GNAS: variants seen among roughly 807,000 people sequenced by gnomAD.
GNAS encodes the protein protein ALEX.
A neutral mutation model predicts 54.5 loss-of-function variants in GNAS; 8 were observed. The observed-to-expected ratio is 0.15, with a 90% CI of 0.09 to 0.26. GNAS has a LOEUF of 0.26. Among genes scored for constraint, GNAS ranks in the 10% least tolerant of loss-of-function variants. The pLI, the probability that GNAS is intolerant of heterozygous loss-of-function variation, is 1.00. For missense variants in GNAS, 170 were observed against 529.8 expected, an observed-to-expected ratio of 0.32 and a Z score of 6.67; for synonymous variants, 204 against 191.4, an observed-to-expected ratio of 1.07 and a Z score of -0.54.
intron 1 of GNAS, among the ~76,000 whole-genome samples, chr20:58,845,613 T>C (rs1295836562): frequency 1.3e-5 from 2 of 150,882 alleles, no homozygotes; most frequent in Non-Finnish European, 3.0e-5. Flanking sequence ...CTTTCTTACA[T>C]ATCAAAAGGC....
intron 1 of GNAS, among the ~76,000 whole-genome samples, chr20:58,845,515 T>C (rs2085911180): frequency 6.6e-6 from 1 of 152,170 alleles, no homozygotes; most frequent in Non-Finnish European, 1.5e-5. Context: ...CATACATGCA[T>C]GGGATAAACA....
At chr20:58,897,394 T>A (rs2090165279) in intron 2 of GNAS, 1 of 152,200 alleles carries the variant, frequency 6.6e-6, no homozygotes, top group African/African-American at 2.4e-5. Context: ...TTCATGAGAG[T>A]AGTTAAGCAA....
chr20:58,885,358 A>G (rs1282344599), intron 1 of GNAS, among the ~76,000 whole-genome samples: 1 of 152,238 alleles, frequency 6.6e-6, no homozygotes, highest in Non-Finnish European at 1.5e-5. Flanking sequence ...TCTCAAAGCC[A>G]CTGGCTCAAG....
chr20:58,900,925 A>G (rs2090549385), intron 3 of GNAS, among the ~76,000 whole-genome samples: 1 of 152,228 alleles, frequency 6.6e-6, no homozygotes, highest in South Asian at 2.1e-4. Flanking sequence ...TCACATACGT[A>G]GATGAATACT....
intron 6 of GNAS, among the ~76,000 whole-genome samples, chr20:58,907,684 C>T (rs2091171104): frequency 6.6e-6 from 1 of 152,134 alleles, no homozygotes; most frequent in Non-Finnish European, 1.5e-5. Context: ...TGTCTGAAAA[C>T]GCACCATTTG....
At chr20:58,887,238 G>T (rs2145834856), upstream of GNAS, among the ~76,000 whole-genome samples, 1 of 152,332 alleles carries the variant, frequency 6.6e-6, no homozygotes, top group Middle Eastern at 3.4e-3. Context: ...TAAAGACAAT[G>T]TATCTGTGCT....
intron 1 of GNAS, chr20:58,842,233 A>G (rs777375142): frequency 2.3e-5 from 9 of 398,378 alleles, no homozygotes; most frequent in Admixed American, 1.3e-4. Flanking sequence ...GGAAAGACTG[A>G]TAAGTGAAAT....
rs2085736741 is a variant in GNAS at position 58,841,701 on chromosome 20, G to A, written c.43+815G>A. 2 of 1,209,438 alleles carry A rather than the reference G, an allele frequency of 1.7e-6. No individual in the cohort carries two copies. The highest frequency in any genetic ancestry group is 4.3e-5 in the South Asian group (1 of 23,274). The allele number at this position is 1,209,438 out of a possible 1,614,324, so 74.9% of individuals were successfully genotyped here. A position where few individuals can be genotyped will look rare whatever the true frequency, so the allele number is the denominator to read the frequency against. ...AGGTAGAGGAGGTAAGGGGACCCTT[G>A]GGGATGCCCCTACGGGCTACCAGGG... is the stretch of plus-strand genomic sequence containing the variant. On this transcript the variant is annotated intron_variant, in intron 1 of 12. Coordinates refer to the GNAS transcript ENST00000306090. The surrounding 1 kb of genome is among the most constrained non-coding windows in gnomAD (Gnocchi z 5.0).
intron 3 of GNAS, 61 bp from the exon 4 acceptor site, chr20:58,903,470 A>G: frequency 7.6e-7 from 1 of 1,323,000 alleles, no homozygotes. Flanking sequence ...TCTTTATGAA[A>G]GCAGTACTCC....
intron 1 of GNAS, chr20:58,854,347 T>A: frequency 6.3e-7 from 1 of 1,584,914 alleles, no homozygotes; most frequent in Non-Finnish European, 8.6e-7. Context: ...GCAGCAGAGA[T>A]GGAAGGAGCC....
At chr20:58,876,375 G>A (rs2087819024) in intron 1 of GNAS, among the ~76,000 whole-genome samples, 1 of 152,092 alleles carries the variant, frequency 6.6e-6, no homozygotes, top group African/African-American at 2.4e-5. Context: ...AGAGTTCAAA[G>A]TCACTCAGAG....
At chr20:58,855,093 A>C in intron 1 of GNAS, 1 of 1,613,592 alleles carries the variant, frequency 6.2e-7, no homozygotes, top group Non-Finnish European at 8.5e-7. Flanking sequence ...CTTACTCCGC[A>C]ACTTTCTCGT....
At chr20:58,902,739 T>TTTTTTTC (rs2090740488) in intron 3 of GNAS, among the ~76,000 whole-genome samples, 1 of 131,490 alleles carries the variant, frequency 7.6e-6, no homozygotes, top group Non-Finnish European at 1.6e-5. Context: ...TTTTTTTTTT[T>TTTTTTTC]TTTTTTTTTT....
At chr20:58,861,955 T>C (rs2086805595) in intron 1 of GNAS, among the ~76,000 whole-genome samples, 2 of 152,048 alleles carry the variant, frequency 1.3e-5, no homozygotes, top group African/African-American at 2.4e-5. Context: ...TCTGCCCGCC[T>C]CAGCCACCCA....
chr20:58,841,889 A>G lies in GNAS; in HGVS notation c.43+1003A>G. The G allele has an allele frequency of 2.4e-6, 3 of 1,231,450 alleles. No individual in the cohort carries two copies. The East Asian group carries it at 9.5e-5, about 39-fold the overall frequency. The allele number at this position is 1,231,450 out of a possible 1,614,324, so 76.3% of individuals were successfully genotyped here. On this transcript the variant is annotated intron_variant, in intron 1 of 12. Coordinates refer to the GNAS transcript ENST00000306090. This position sits in a 1 kb window ranked among gnomAD's most constrained non-coding sequence, Gnocchi z 5.0. ...GCAAGTGGAAAGGTAAAGCGGAACA[A>G]GGGACAGGCTGGAGACGGGGGTCGC... is the stretch of plus-strand genomic sequence containing the variant.
intron 1 of GNAS, among the ~76,000 whole-genome samples, chr20:58,866,225 T>C (rs1180904183): frequency 6.6e-6 from 1 of 152,208 alleles, no homozygotes; most frequent in Non-Finnish European, 1.5e-5. Context: ...GCCTACTGCA[T>C]GGAGGTGACC....
Position 58,891,446 on chromosome 20 carries a change from G to C in GNAS, c.-281G>C. 1.7e-6 allele frequency: 1 copy of C among 596,072 alleles called. No individual in the cohort carries two copies. The allele number at this position is 596,072 out of a possible 1,614,324, so 36.9% of individuals were successfully genotyped here. Reference sequence around the variant, plus strand: ...AGCAGCTCCCGCAGCTCCTGCTCTGGTCCGCCTCGGCCCGGCGGCGGCCAT... The same window carrying C: ...AGCAGCTCCCGCAGCTCCTGCTCTGCTCCGCCTCGGCCCGGCGGCGGCCAT... On this transcript the variant is annotated 5_prime_UTR_variant, in exon 1 of 13. Coordinates refer to ENST00000371085, the MANE Select transcript of GNAS (RefSeq NM_000516.7).
At chr20:58,894,463 T>C (rs2089847710) in intron 1 of GNAS, among the ~76,000 whole-genome samples, 1 of 152,238 alleles carries the variant, frequency 6.6e-6, no homozygotes, top group African/African-American at 2.4e-5. Context: ...AAAGGAGGAA[T>C]GCTGTGCTAT....
rs773859148 is a variant in GNAS at position 58,910,126 on chromosome 20, C to T, written c.970+45C>T. ...TTGCTGGCTGTTCATTGCGGTGGTT[C>T]TTTTTCAAACGGTCAGGCTGAAAAC... On this transcript the variant is annotated intron_variant, in intron 11 of 12. Transcript: ENST00000371085. The surrounding 1 kb of genome is among the most constrained non-coding windows in gnomAD (Gnocchi z 5.8). 3.5e-5 allele frequency: 56 copies of T among 1,599,032 alleles called. No individual in the cohort carries two copies. Among genetic ancestry groups the T allele is most frequent in the Non-Finnish European group, 4.4e-5 (51 of 1,166,648 alleles).
Sources: gnomAD v4.1 joint callset for allele counts (sites outside exome capture counted in the v4.1 genomes callset) on GRCh38, gnomAD v4.1.1 for gene constraint, Gnocchi (gnomAD v3.1) non-coding constraint, MANE v1.5 for transcripts, NCBI Gene and HGNC (gene_info 2026-07-23, HGNC 2026-07-21) for gene names.